The following PAH variants were observed in gnomAD, a reference collection of about 807,000 sequenced individuals.
The protein encoded by PAH is phenylalanine hydroxylase, also known as phenylalanine-4-hydroxylase.
A neutral mutation model predicts 62.0 loss-of-function variants in PAH; 64 were observed. The ratio of observed to expected loss-of-function variants is 1.03; its 90% confidence interval spans 0.84 to 1.27. The LOEUF (loss-of-function observed/expected upper bound fraction) is 1.27. Among genes scored for constraint, PAH ranks in the 50% most tolerant of loss-of-function variants. PAH has a pLI of 0.00. For missense variants in PAH, 579 were observed against 542.8 expected (o/e 1.07, Z -0.66); for synonymous variants, 195 against 196.2 (o/e 0.99, Z 0.05).
chr12:102,939,609 C>A (rs1593001617), intron 1 of PAH, among the ~76,000 whole-genome samples: 1 of 152,164 alleles, frequency 6.6e-6, no homozygotes, highest in Non-Finnish European at 1.5e-5. Context: ...AGCTTCCATA[C>A]AGACAGGAGC....
At chr12:102,931,901 C>A (rs1036727475) in intron 1 of PAH, among the ~76,000 whole-genome samples, 1 of 152,050 alleles carries the variant, frequency 6.6e-6, no homozygotes, top group African/African-American at 2.4e-5. Flanking sequence ...ATGTGGCAGC[C>A]CCTGTACTAG....
intron 4 of PAH, among the ~76,000 whole-genome samples, chr12:102,868,102 A>G (rs1446492840): frequency 4.2e-5 from 1 of 23,948 alleles, no homozygotes; most frequent in Non-Finnish European, 8.2e-5. Context: ...ATATATATAT[A>G]TACACATATA....
At chr12:102,912,486 TATAGTTAATC>T (rs1323729378) in intron 2 of PAH, among the ~76,000 whole-genome samples, 4 of 152,130 alleles carry the variant, frequency 2.6e-5, no homozygotes, top group African/African-American at 9.7e-5. Flanking sequence ...ACATATGACT[TATAGTTAATC>T]ATGCCTAATC....
At chr12:102,910,645 C>T (rs928388824) in intron 2 of PAH, among the ~76,000 whole-genome samples, 3 of 151,274 alleles carry the variant, frequency 2.0e-5, no homozygotes, top group South Asian at 2.1e-4. Flanking sequence ...GCTGGGATTA[C>T]AGGCGTGAGT....
In PAH at chr12:102,938,148, G is replaced by A. The variant is rs138674757; in HGVS notation, c.-96+12441C>T. ...AACAGTGAACCACAGAGAGCAGAGA[G>A]GAATGAGGCAGGACAGCTGCCCACC... is the stretch of plus-strand genomic sequence containing the variant. On this transcript the variant is annotated intron_variant, in intron 1 of 3. Transcript: ENST00000546844. Among the ~76,000 whole-genome samples, 911 of 152,346 alleles carry A rather than the reference G, an allele frequency of 6.0e-3. 9 individuals are homozygous for A. Among genetic ancestry groups the A allele is most frequent in the African/African-American group, 0.02 (842 of 41,590 alleles).
At chr12:102,918,183 G>A (rs370454254), upstream of PAH, among the ~76,000 whole-genome samples, 35 of 152,292 alleles carry the variant, frequency 2.3e-4, no homozygotes, top group African/African-American at 7.9e-4. Context: ...TCTTCAAATA[G>A]TCAGGAAGAT....
At chr12:102,855,946 T>C (rs925593751) in intron 5 of PAH, among the ~76,000 whole-genome samples, 2 of 151,054 alleles carry the variant, frequency 1.3e-5, no homozygotes, top group African/African-American at 4.9e-5. Flanking sequence ...CTAATTAAGA[T>C]TCCACATTGT....
exon 1 of PAH, chr12:102,958,345 C>A: frequency 7.0e-7 from 1 of 1,436,598 alleles, no homozygotes; most frequent in Non-Finnish European, 9.1e-7. Context: ...TTCTTTGCCA[C>A]GGCCGCAGCC....
upstream of PAH, among the ~76,000 whole-genome samples, chr12:102,919,506 C>T (rs187403918): frequency 1.3e-4 from 20 of 152,216 alleles, no homozygotes; most frequent in South Asian, 3.1e-3. Context: ...TGACTATATT[C>T]GCCCTGTTGT....
chr12:102,843,889 C>T (rs999297649), intron 10 of PAH, 110 bp from the exon 11 acceptor site: 1 of 1,218,996 alleles, frequency 8.2e-7, no homozygotes, highest in Non-Finnish European at 1.2e-6. Context: ...CCGATTCCTT[C>T]TACATCACAG....
chr12:102,903,537 T>G (rs1317537010), intron 2 of PAH, among the ~76,000 whole-genome samples: 1 of 152,140 alleles, frequency 6.6e-6, no homozygotes, highest in African/African-American at 2.4e-5. Flanking sequence ...GGGTATCTGA[T>G]GAGATCATTG....
Position 102,852,838 on chromosome 12 carries a change from G to A in PAH, c.819C>T (p.Ser273=). 1 of 1,614,076 alleles carries A rather than the reference G, an allele frequency of 6.2e-7. No homozygotes were observed. The highest frequency in any genetic ancestry group is 8.5e-7 in the Non-Finnish European group (1 of 1,179,976). ...FHCTQYIRHG[S]KPMYTPEPDI... is the part of the protein sequence containing the mutation. ...ACGGTTCGGGGGTATACATGGGCTT[G>A]GATCCATGTCTGATGTACTGTGTGC... Residue 273 remains serine, a synonymous_variant, in exon 7 of 13, where the codon TCC becomes TCT. Coordinates refer to ENST00000553106, the MANE Select transcript of PAH (RefSeq NM_000277.3).
At chr12:102,915,098 T>A (rs1592990027) in intron 1 of PAH, 1 of 152,270 alleles carries the variant, frequency 6.6e-6, no homozygotes, top group East Asian at 1.9e-4. Flanking sequence ...GCCAAGCTGC[T>A]TTCTTTCTTG....
At chr12:102,855,745 C>G (rs1407966633) in intron 5 of PAH, among the ~76,000 whole-genome samples, 1 of 152,094 alleles carries the variant, frequency 6.6e-6, no homozygotes, top group African/African-American at 2.4e-5. Context: ...TATTCCCTTT[C>G]TAAACCAGGG....
chr12:102,843,726 G>A lies in PAH; in HGVS notation c.1119C>T (p.Ala373=). 6.2e-7 allele frequency: 1 copy of A among 1,613,594 alleles called. No homozygotes were observed. Among genetic ancestry groups the A allele is most frequent in the Non-Finnish European group, 8.5e-7 (1 of 1,179,608 alleles). The change falls in exon 11 of 13, where the codon GCC becomes GCT. Residue 373 remains alanine, a synonymous_variant. Transcript: ENST00000553106. ...KLLPLELEKT[A]IQNYTVTEFQ... is the part of the protein sequence containing the mutation. ...ACTCCGTGACAGTGTAATTTTGGATGGCTGTCTTCTCCAGCTCCAGGGGGA... is the reference window on the plus strand; with the variant it reads ...ACTCCGTGACAGTGTAATTTTGGATAGCTGTCTTCTCCAGCTCCAGGGGGA...
Position 102,856,934 on chromosome 12 carries a change from G to A in PAH, c.510-1602C>T, listed in dbSNP as rs536337144. On this transcript the variant is annotated intron_variant, in intron 5 of 12. Transcript: ENST00000553106. ...TCTAAAAATCAGAGCACCTCTCCCC[G>A]TCCAAAGGAACACAGCTCCTCGCCA... Among the ~76,000 whole-genome samples the A allele has an allele frequency of 8.6e-4, 131 of 152,290 alleles. 2 individuals carry two copies. The highest frequency in any genetic ancestry group is 5.4e-3 in the South Asian group (26 of 4,834).
intron 4 of PAH, among the ~76,000 whole-genome samples, chr12:102,876,907 C>G (rs1253294388): frequency 6.6e-6 from 1 of 152,092 alleles, no homozygotes; most frequent in Non-Finnish European, 1.5e-5. Context: ...CCAGCCACAT[C>G]TCTCATTCTC....
At chr12:102,903,028 T>C (rs1774754394) in intron 2 of PAH, among the ~76,000 whole-genome samples, 1 of 152,194 alleles carries the variant, frequency 6.6e-6, no homozygotes, top group Non-Finnish European at 1.5e-5. Context: ...TTGTGTTTCT[T>C]TTCCTATACC....
At chr12:102,840,121 A>G (rs925882203) in intron 12 of PAH, among the ~76,000 whole-genome samples, 4 of 152,122 alleles carry the variant, frequency 2.6e-5, no homozygotes, top group African/African-American at 7.2e-5. Flanking sequence ...GGCGAGGGAG[A>G]AAAAGGAACA....
Sources: allele counts gnomAD v4.1 joint callset (sites outside exome capture counted in the v4.1 genomes callset), GRCh38; gene constraint gnomAD v4.1.1; transcripts MANE v1.5; gene names NCBI Gene and HGNC (gene_info 2026-07-23, HGNC 2026-07-21).